PCDHGA3: variants seen among roughly 807,000 people sequenced by gnomAD.
PCDHGA3 encodes protocadherin gamma subfamily A, 3.
Under a neutral mutation model 58.5 loss-of-function variants are expected in PCDHGA3, and 40 were observed. That is an observed-to-expected ratio of 0.68 (90% CI 0.53 to 0.89). PCDHGA3 has a LOEUF of 0.89. Among genes scored for constraint, PCDHGA3 ranks in the 40% least tolerant of loss-of-function variants. The probability of loss-of-function intolerance (pLI) is 0.00; values close to 1 mark genes in which losing one functional copy is unlikely to be tolerated. For synonymous variants in PCDHGA3, 530 were observed against 525.7 expected, an observed-to-expected ratio of 1.01 and a Z score of -0.11; for missense variants, 1,223 against 1,195.9, an observed-to-expected ratio of 1.02 and a Z score of -0.33.
chr5:141,489,971 C>A lies in PCDHGA3; in HGVS notation c.2425-4836C>A, dbSNP rs1254025468. 1 of 1,614,060 alleles carries A rather than the reference C, an allele frequency of 6.2e-7. No homozygotes were observed. The highest frequency in any genetic ancestry group is 1.3e-5 in the African/African-American group (1 of 74,944). Reference sequence around the variant, plus strand: ...AATGATAATGCTCCAACCTTCCAATCCTCAGTTCTACGTGTGGGAATCCCA... The same window carrying A: ...AATGATAATGCTCCAACCTTCCAATACTCAGTTCTACGTGTGGGAATCCCA... On this transcript the variant is annotated intron_variant, in intron 1 of 3. Transcript: ENST00000253812. The surrounding 1 kb of genome is among the most constrained non-coding windows in gnomAD (Gnocchi z 4.5).
At chr5:141,386,302 C>T (rs1192647200) in intron 1 of PCDHGA3, among the ~76,000 whole-genome samples, 1 of 152,174 alleles carries the variant, frequency 6.6e-6, no homozygotes, top group Non-Finnish European at 1.5e-5. Flanking sequence ...TTTAGTAAAG[C>T]TCAGTATATC....
intron 1 of PCDHGA3, chr5:141,383,685 C>T: frequency 3.1e-6 from 5 of 1,614,018 alleles, no homozygotes; most frequent in Non-Finnish European, 4.2e-6. Context: ...CAAGACTGCT[C>T]ACGGTACATG....
rs1456184444 is a variant in PCDHGA3, at chr5:141,512,578, C to T, written c.*1405C>T. On this transcript the variant is annotated 3_prime_UTR_variant, in exon 4 of 4. Coordinates refer to ENST00000253812, the MANE Select transcript of PCDHGA3 (RefSeq NM_018916.4). ...ATAGACCTTCTTCTCCCACCCCCTT[C>T]TGCCCCTGGGTCCCCGGCCATCCAG... is the stretch of plus-strand genomic sequence containing the variant. 1 of 152,944 alleles carries T rather than the reference C, an allele frequency of 6.5e-6. No homozygotes were observed. The highest frequency in any genetic ancestry group is 1.5e-5 in the Non-Finnish European group (1 of 68,542). 9.5% of individuals were successfully genotyped at this position (152,944 alleles called of 1,614,324 possible). A position where few individuals can be genotyped will look rare whatever the true frequency, so the allele number is the denominator to read the frequency against.
chr5:141,423,070 C>G, intron 1 of PCDHGA3: 1 of 1,614,132 alleles, frequency 6.2e-7, no homozygotes, highest in Non-Finnish European at 8.5e-7. Flanking sequence ...GGCCAGCGAG[C>G]CGGGACTCTT....
intron 1 of PCDHGA3, among the ~76,000 whole-genome samples, chr5:141,369,416 C>T (rs1766232805): frequency 6.6e-6 from 1 of 152,038 alleles, no homozygotes; most frequent in Non-Finnish European, 1.5e-5. Flanking sequence ...ACTATAATCC[C>T]AGCAATTTGG....
rs1414795207 is a variant in PCDHGA3 at position 141,393,033 on chromosome 5, C to T, written c.2424+46576C>T. On this transcript the variant is annotated intron_variant, in intron 1 of 3. Transcript: ENST00000253812. ...TATCGTCTCCAGAGGTAGGACGCAG[C>T]TCTTTGCTCTGAACCCGCGCAGCGG... is the stretch of plus-strand genomic sequence containing the variant. 4.3e-6 allele frequency: 7 copies of T among 1,613,782 alleles called. No individual in the cohort carries two copies. The highest frequency in any genetic ancestry group is 4.0e-5 in the African/African-American group (3 of 75,052).
intron 1 of PCDHGA3, among the ~76,000 whole-genome samples, chr5:141,401,123 C>A (rs1289456548): frequency 1.3e-5 from 2 of 152,156 alleles, no homozygotes; most frequent in Non-Finnish European, 2.9e-5. Flanking sequence ...GCGGTTGGAT[C>A]ACATGGTCAG....
chr5:141,389,509 C>A, intron 1 of PCDHGA3: 2 of 1,613,118 alleles, frequency 1.2e-6, no homozygotes, highest in Non-Finnish European at 8.5e-7. Flanking sequence ...GCGCTCAGCG[C>A]GAACGTGAGC....
At position 141,399,372 on chromosome 5, in the gene PCDHGA3, T is replaced by A; in HGVS notation, c.2424+52915T>A. The A allele has an allele frequency of 1.2e-6, 2 of 1,613,970 alleles. 1 individual carries two copies. The highest frequency in any genetic ancestry group is 2.2e-5 in the South Asian group (2 of 91,086). On this transcript the variant is annotated intron_variant, in intron 1 of 3. Transcript: ENST00000253812. ...ACCGAGAGCAAACCCCGGAGTACAATGTCACCATCACAGCCACAGACAGGG... is the reference window on the plus strand; with the variant it reads ...ACCGAGAGCAAACCCCGGAGTACAAAGTCACCATCACAGCCACAGACAGGG...
chr5:141,404,004 C>T (rs1219625288), intron 1 of PCDHGA3: 3 of 1,613,842 alleles, frequency 1.9e-6, no homozygotes, highest in Non-Finnish European at 2.5e-6. Flanking sequence ...ACCATTACAT[C>T]TCTGTTTAGC....
chr5:141,404,124 C>A, intron 1 of PCDHGA3: 1 of 1,613,272 alleles, frequency 6.2e-7, no homozygotes, highest in Non-Finnish European at 8.5e-7. Context: ...GAGAATCTAT[C>A]TTTTACATTA....
In PCDHGA3 at chr5:141,432,776, G is replaced by C. The variant is rs975435403; in HGVS notation, c.2425-62031G>C. 1.9e-6 allele frequency: 3 copies of C among 1,614,172 alleles called. No homozygotes were observed. In the African/African-American group the frequency reaches 4.0e-5, roughly 22 times the overall value. ...GGCCGACAGCATCCCCCAAGTCCTG[G>C]CGGACCTCGGCAGCCTCGAGTCTCC... On this transcript the variant is annotated intron_variant, in intron 1 of 3. Transcript: ENST00000253812. This position sits in a 1 kb window ranked among gnomAD's most constrained non-coding sequence, Gnocchi z 6.0.
intron 1 of PCDHGA3, chr5:141,414,898 G>T: frequency 6.2e-7 from 1 of 1,614,190 alleles, no homozygotes; most frequent in East Asian, 2.2e-5. Context: ...CCCCACAGAC[G>T]GTTCCACAGG....
chr5:141,485,632 G>T lies in PCDHGA3; in HGVS notation c.2425-9175G>T. The T allele has an allele frequency of 6.2e-7, 1 of 1,611,766 alleles. No homozygotes were observed. Among genetic ancestry groups the T allele is most frequent in the Non-Finnish European group, 8.5e-7 (1 of 1,178,342 alleles). The stretch of plus-strand genomic sequence containing the variant: ...CAGCTCCTCCAGGACAGCGTTTCCC[G>T]TTGGAAAAGGCTCAGGATGCAGATG... On this transcript the variant is annotated intron_variant, in intron 1 of 3. Coordinates refer to ENST00000253812, the MANE Select transcript of PCDHGA3 (RefSeq NM_018916.4). This position sits in a 1 kb window ranked among gnomAD's most constrained non-coding sequence, Gnocchi z 5.7.
chr5:141,370,342 AT>A lies in PCDHGA3; in HGVS notation c.2424+23888del, dbSNP rs1766823822. ...TCCTGCTCGGAGAACTCTTGGGATTATTTAAAGATCTCCTCTCCTCGGATTT... is the reference window on the plus strand; with the variant it reads ...TCCTGCTCGGAGAACTCTTGGGATTATTAAAGATCTCCTCTCCTCGGATTT... On this transcript the variant is annotated intron_variant, in intron 1 of 3. Coordinates refer to ENST00000253812, the MANE Select transcript of PCDHGA3 (RefSeq NM_018916.4). 37 of 1,476,030 alleles carry A rather than the reference AT, an allele frequency of 2.5e-5. 2 individuals carry two copies. The South Asian group carries it at 5.1e-4, about 20-fold the overall frequency. The allele number at this position is 1,476,030 out of a possible 1,614,324, so 91.4% of individuals were successfully genotyped here. A position where few individuals can be genotyped will look rare whatever the true frequency, so the allele number is the denominator to read the frequency against.
intron 1 of PCDHGA3, chr5:141,371,174 C>A: frequency 6.2e-7 from 1 of 1,613,994 alleles, no homozygotes; most frequent in South Asian, 1.1e-5. Context: ...CTGGCTCCTC[C>A]GTATTAAAAG....
chr5:141,385,150 C>A (rs1780929292), intron 1 of PCDHGA3: 1 of 1,614,104 alleles, frequency 6.2e-7, no homozygotes, highest in South Asian at 1.1e-5. Flanking sequence ...GGCTTTCCTG[C>A]AGACCTATTC....
At chr5:141,384,904 C>G (rs1780643857) in intron 1 of PCDHGA3, 1 of 1,613,886 alleles carries the variant, frequency 6.2e-7, no homozygotes, top group Admixed American at 1.7e-5. Context: ...TGACAGCATC[C>G]CCGAAGTCTT....
intron 1 of PCDHGA3, chr5:141,428,180 C>G (rs780780274): frequency 1.3e-6 from 2 of 1,486,274 alleles, no homozygotes; most frequent in East Asian, 2.3e-5. Flanking sequence ...TGACGGAGGA[C>G]AGCCGCCGCT....
Sources: gnomAD v4.1 joint callset for allele counts (sites outside exome capture counted in the v4.1 genomes callset) on GRCh38, gnomAD v4.1.1 for gene constraint, Gnocchi (gnomAD v3.1) non-coding constraint, MANE v1.5 for transcripts, NCBI Gene and HGNC (gene_info 2026-07-23, HGNC 2026-07-21) for gene names.